The following MAEA variants were observed in gnomAD, a reference collection of about 807,000 sequenced individuals.
MAEA encodes macrophage erythroblast attacher, E3 ubiquitin ligase.
MAEA carries 22 observed loss-of-function variants against 46.2 expected under a neutral mutation model. That is an observed-to-expected ratio of 0.48 (90% CI 0.34 to 0.68). MAEA has a LOEUF of 0.68. Ranked by LOEUF, MAEA falls within the 30% of genes least tolerant of loss-of-function variation. The pLI, the probability that MAEA is intolerant of heterozygous loss-of-function variation, is 0.01. For missense variants in MAEA, 393 were observed against 558.1 expected, an observed-to-expected ratio of 0.70 and a Z score of 2.98; for synonymous variants, 246 against 222.6, an observed-to-expected ratio of 1.11 and a Z score of -0.94.
chr4:1,322,576 C>T (rs1738267622), intron 4 of MAEA, 73 bp downstream of exon 4: 16 of 1,575,734 alleles, frequency 1.0e-5, no homozygotes, highest in Admixed American at 1.8e-5. Flanking sequence ...GAGCCAGCAC[C>T]CCCTTGCCTG....
At chr4:1,307,550 G>A (rs1163680943) in intron 1 of MAEA, among the ~76,000 whole-genome samples, 5 of 152,224 alleles carry the variant, frequency 3.3e-5, no homozygotes, top group South Asian at 2.1e-4. Flanking sequence ...GTCCCCAGGG[G>A]GACGGAACTC....
At chr4:1,335,051 G>A in intron 6 of MAEA, 1 of 985,438 alleles carries the variant, frequency 1.0e-6, no homozygotes, top group Non-Finnish European at 1.2e-6. Context: ...CCAAGCTAGA[G>A]ACTGAGCGGC....
chr4:1,316,484 C>T (rs1349938578), intron 3 of MAEA, among the ~76,000 whole-genome samples: 4 of 152,288 alleles, frequency 2.6e-5, no homozygotes, highest in South Asian at 2.1e-4. Context: ...TTGAGAACCT[C>T]TCAGGCAGGA....
intron 4 of MAEA, among the ~76,000 whole-genome samples, chr4:1,325,707 G>A (rs888798629): frequency 6.6e-6 from 1 of 151,716 alleles, no homozygotes; most frequent in Non-Finnish European, 1.5e-5. Flanking sequence ...ATCTCTTCCC[G>A]CTGGCCCTTC....
chr4:1,315,826 G>A (rs1329501440), intron 3 of MAEA, among the ~76,000 whole-genome samples: 1 of 37,180 alleles, frequency 2.7e-5, no homozygotes, highest in African/African-American at 1.1e-4. Context: ...CTCCCCCCAT[G>A]TGCATGTCCC....
intron 1 of MAEA, among the ~76,000 whole-genome samples, chr4:1,295,513 G>A (rs1250323919): frequency 6.6e-6 from 1 of 151,818 alleles, no homozygotes; most frequent in African/African-American, 2.4e-5. Flanking sequence ...CCTCCCAGGC[G>A]AGCCTTTCAT....
At chr4:1,299,227 A>G (rs1560329715) in intron 1 of MAEA, among the ~76,000 whole-genome samples, 1 of 152,120 alleles carries the variant, frequency 6.6e-6, no homozygotes, top group Non-Finnish European at 1.5e-5. Flanking sequence ...CTGCTGCCCA[A>G]ACCAATTCTA....
chr4:1,329,101 C>G (rs534573401), intron 5 of MAEA: 2 of 985,586 alleles, frequency 2.0e-6, no homozygotes, highest in African/African-American at 3.5e-5. Context: ...ACTGTCAGCC[C>G]TGGAGTCTGA....
Position 1,337,129 on chromosome 4 carries a change from T to TG in MAEA, c.899+136dup, listed in dbSNP as rs1042820367. 14 of 1,109,458 alleles carry TG rather than the reference T, an allele frequency of 1.3e-5. No homozygotes were observed. The African/African-American group carries it at 2.2e-4, about 17-fold the overall frequency. The allele number at this position is 1,109,458 out of a possible 1,614,324, so 68.7% of individuals were successfully genotyped here. On this transcript the variant is annotated intron_variant, in intron 7 of 8. Transcript: ENST00000303400. ...GCCCCGAGCTCCCGTGTGCTGCACT[T>TG]GCGTGGTGTCTGGATGGTCGGGGTG...
At chr4:1,296,443 C>CTCACCCGTGTCTGTGCCCCCA (rs1237712989) in intron 1 of MAEA, among the ~76,000 whole-genome samples, 93 of 134,064 alleles carry the variant, frequency 6.9e-4, no homozygotes, top group African/African-American at 2.5e-3. Context: ...TGTGCCGTTC[C>CTCACCCGTGTCTGTGCCCCCA]TCACCCGTGC....
intron 5 of MAEA, 98 bp downstream of exon 5, chr4:1,327,801 C>T (rs1577219683): frequency 2.3e-6 from 2 of 857,218 alleles, no homozygotes; most frequent in African/African-American, 3.0e-5. Context: ...CTGGGACGTC[C>T]CCTGGGTCGT....
In MAEA at chr4:1,339,054, T is replaced by C. The variant is rs759260118; in HGVS notation, c.1096-20T>C. ...CGTTGTAGTCGCTTGCCTTAATGCA[T>C]TCCCGGTTTTATTTTTCAGTCTCTG... On this transcript the variant is annotated intron_variant, in intron 8 of 8. Coordinates refer to ENST00000303400, the MANE Select transcript of MAEA (RefSeq NM_001017405.3). 6.9e-6 allele frequency: 11 copies of C among 1,595,338 alleles called. No individual in the cohort carries two copies. In the East Asian group the frequency reaches 2.5e-4, roughly 36 times the overall value.
At chr4:1,300,954 T>G (rs1458728855) in intron 1 of MAEA, among the ~76,000 whole-genome samples, 1 of 152,192 alleles carries the variant, frequency 6.6e-6, no homozygotes, top group Non-Finnish European at 1.5e-5. Context: ...CCACCGTGAT[T>G]ACATGCCCCG....
intron 7 of MAEA, chr4:1,337,243 T>C (rs898446895): frequency 1.7e-5 from 9 of 525,270 alleles, no homozygotes; most frequent in Non-Finnish European, 3.1e-5. Flanking sequence ...GAGGCCGCCA[T>C]GGGCATTGAT....
chr4:1,294,981 A>T (rs1734494967), intron 1 of MAEA, among the ~76,000 whole-genome samples: 1 of 152,036 alleles, frequency 6.6e-6, no homozygotes, highest in African/African-American at 2.4e-5. Context: ...CATTGGGGTG[A>T]TGTGGCTGGG....
chr4:1,292,403 T>G (rs1284556100), intron 1 of MAEA, among the ~76,000 whole-genome samples: 1 of 152,094 alleles, frequency 6.6e-6, no homozygotes, highest in African/African-American at 2.4e-5. Context: ...CAGGTACTTA[T>G]TTTTCTATTT....
At chr4:1,339,043 G>C (rs766175110) in intron 8 of MAEA, 31 bp from the exon 9 acceptor site, 20 of 1,517,764 alleles carry the variant, frequency 1.3e-5, no homozygotes, top group Non-Finnish European at 1.8e-5. Flanking sequence ...GTAGTCGCTT[G>C]CCTTAATGCA....
intron 1 of MAEA, among the ~76,000 whole-genome samples, chr4:1,290,903 G>T (rs2108840875): frequency 1.3e-5 from 2 of 152,330 alleles, no homozygotes; most frequent in South Asian, 4.1e-4. Flanking sequence ...GTGTGAATCA[G>T]GCTTCTCTGT....
chr4:1,299,494 GC>G, intron 1 of MAEA: 1 of 153,046 alleles, frequency 6.5e-6, no homozygotes, highest in Non-Finnish European at 1.5e-5. Flanking sequence ...CACCCCGGCT[GC>G]CCCAGCGCCA....
Sources: gnomAD v4.1 joint callset for allele counts (sites outside exome capture counted in the v4.1 genomes callset) on GRCh38, gnomAD v4.1.1 for gene constraint, MANE v1.5 for transcripts, NCBI Gene and HGNC (gene_info 2026-07-23, HGNC 2026-07-21) for gene names.